KATNBL1: variants seen among roughly 807,000 people sequenced by gnomAD.
KATNBL1 encodes the protein KATNB1-like protein 1.
In KATNBL1, 28 loss-of-function variants were observed where a neutral mutation model predicts 44.7. That is an observed-to-expected ratio of 0.63 (90% CI 0.46 to 0.86). The LOEUF is 0.86. KATNBL1 is among the 40% of genes least tolerant of loss of function. The pLI is 0.00. For synonymous variants in KATNBL1, 78 were observed against 114.9 expected, an observed-to-expected ratio of 0.68 and a Z score of 2.06; for missense variants, 272 against 350.7, an observed-to-expected ratio of 0.78 and a Z score of 1.79.
chr15:34,173,065 A>G (rs1243838967), intron 1 of KATNBL1, among the ~76,000 whole-genome samples: 3 of 152,110 alleles, frequency 2.0e-5, no homozygotes, highest in Admixed American at 6.5e-5. Context: ...AAAAAACTCA[A>G]CAGAAGTTGG....
chr15:34,182,708 G>A (rs1429888616), intron 1 of KATNBL1, among the ~76,000 whole-genome samples: 1 of 152,010 alleles, frequency 6.6e-6, no homozygotes, highest in African/African-American at 2.4e-5. Context: ...ATGACAACCT[G>A]GATAAGTCTC....
At chr15:34,180,601 A>G (rs921265738) in intron 1 of KATNBL1, among the ~76,000 whole-genome samples, 1 of 152,238 alleles carries the variant, frequency 6.6e-6, no homozygotes, top group African/African-American at 2.4e-5. Flanking sequence ...TCGGTCAGCC[A>G]CTGCTAGGTC....
At chr15:34,151,606 C>T (rs945193573) in intron 4 of KATNBL1, among the ~76,000 whole-genome samples, 9 of 151,728 alleles carry the variant, frequency 5.9e-5, no homozygotes, top group Non-Finnish European at 1.5e-5. Flanking sequence ...CGTGCACCAC[C>T]ACGCCTGGGT....
chr15:34,197,378 AT>A, intron 1 of KATNBL1, among the ~76,000 whole-genome samples: 1 of 152,198 alleles, frequency 6.6e-6, no homozygotes, highest in Admixed American at 6.5e-5. Context: ...CTAATCTCCT[AT>A]TTTCAGAATA....
chr15:34,201,938 G>A, intron 1 of KATNBL1, among the ~76,000 whole-genome samples: 1 of 152,144 alleles, frequency 6.6e-6, no homozygotes, highest in East Asian at 1.9e-4. Context: ...CATTTACATT[G>A]TACTAGATAT....
intron 1 of KATNBL1, among the ~76,000 whole-genome samples, chr15:34,181,068 C>A (rs886836326): frequency 8.5e-5 from 13 of 152,152 alleles, no homozygotes; most frequent in Admixed American, 2.0e-4. Flanking sequence ...CTGGTCCTTG[C>A]AAATCATCCT....
At chr15:34,176,378 CAA>C (rs956522721) in intron 1 of KATNBL1, among the ~76,000 whole-genome samples, 1 of 137,788 alleles carries the variant, frequency 7.3e-6, no homozygotes. Context: ...AACTTCATCT[CAA>C]AAAAAAAAAG....
intron 1 of KATNBL1, among the ~76,000 whole-genome samples, chr15:34,191,316 T>C (rs1216834647): frequency 5.3e-5 from 8 of 151,474 alleles, no homozygotes; most frequent in African/African-American, 1.9e-4. Flanking sequence ...TAGGTGGCTA[T>C]ACCACAATTT....
At chr15:34,181,652 GTCCATATATATA>G (rs1468325762) in intron 1 of KATNBL1, among the ~76,000 whole-genome samples, 20 of 48,956 alleles carry the variant, frequency 4.1e-4, no homozygotes, top group African/African-American at 1.3e-3. Flanking sequence ...ACATATATAT[GTCCATATATATA>G]TCCATATATA....
At chr15:34,143,067 TA>T in intron 9 of KATNBL1, 1 of 1,217,296 alleles carries the variant, frequency 8.2e-7, no homozygotes, top group Non-Finnish European at 1.1e-6. Flanking sequence ...TTTAATTTTG[TA>T]AGAAAGTCTC....
chr15:34,153,847 G>A (rs1268147322), intron 3 of KATNBL1, among the ~76,000 whole-genome samples: 2 of 152,178 alleles, frequency 1.3e-5, no homozygotes, highest in African/African-American at 4.8e-5. Context: ...GGGAATACAG[G>A]TGTGAGCCAT....
rs1567532302 is a variant in KATNBL1, at chr15:34,181,805, T to TCC, written c.-14-18116_-14-18115insGG. 4.4e-4 allele frequency among the ~76,000 whole-genome samples: 34 copies of TCC among 77,910 alleles called. 1 individual carries two copies. The highest frequency in any genetic ancestry group is 3.3e-3 in the South Asian group (7 of 2,104). The allele number at this position is 77,910 out of a possible 152,430, so 51.1% of individuals were successfully genotyped here. ...ATGTCCATATATATATCCATATATA[T>TCC]ACATATATACATGTCCATATATATC... On this transcript the variant is annotated intron_variant, in intron 1 of 9. Transcript: ENST00000256544.
At chr15:34,203,482 A>G (rs1337775835) in intron 1 of KATNBL1, among the ~76,000 whole-genome samples, 1 of 152,036 alleles carries the variant, frequency 6.6e-6, no homozygotes, top group Non-Finnish European at 1.5e-5. Context: ...TATTCCTCCC[A>G]CACACTCACC....
In KATNBL1 at chr15:34,149,903, A is replaced by G. The variant is rs1888416920; in HGVS notation, c.439-1153T>C. Among the ~76,000 whole-genome samples, 4 of 152,200 alleles carry G rather than the reference A, an allele frequency of 2.6e-5. No individual in the cohort carries two copies. In the South Asian group the frequency reaches 8.3e-4, roughly 32 times the overall value. On this transcript the variant is annotated intron_variant, in intron 4 of 9. Coordinates refer to ENST00000256544, the MANE Select transcript of KATNBL1 (RefSeq NM_024713.3). ...AAAAACAACAACAAAAAACAATAGC[A>G]TATTCTCTAGTCTTTACATACCATA...
chr15:34,142,406 G>A, intron 9 of KATNBL1, 35 bp from the exon 10 acceptor site: 1 of 1,554,650 alleles, frequency 6.4e-7, no homozygotes. Flanking sequence ...TCATTAGACA[G>A]TACAGTAAAT....
At chr15:34,184,898 T>A (rs1889677564) in intron 1 of KATNBL1, among the ~76,000 whole-genome samples, 1 of 151,626 alleles carries the variant, frequency 6.6e-6, no homozygotes, top group African/African-American at 2.4e-5. Context: ...TAAAACAAAA[T>A]GTTTCTTCTA....
chr15:34,189,234 G>C (rs1025781903), intron 1 of KATNBL1, among the ~76,000 whole-genome samples: 2 of 152,204 alleles, frequency 1.3e-5, no homozygotes, highest in Non-Finnish European at 2.9e-5. Flanking sequence ...ATGCTGGCCA[G>C]GCTGGTCTCG....
At chr15:34,190,188 C>T (rs1281726484) in intron 1 of KATNBL1, among the ~76,000 whole-genome samples, 2 of 152,170 alleles carry the variant, frequency 1.3e-5, no homozygotes, top group Non-Finnish European at 2.9e-5. Flanking sequence ...TCGTGATCCC[C>T]CAGCCTCGGC....
chr15:34,160,927 C>T (rs1436292995), intron 2 of KATNBL1, among the ~76,000 whole-genome samples: 1 of 152,122 alleles, frequency 6.6e-6, no homozygotes, highest in Non-Finnish European at 1.5e-5. Flanking sequence ...GGCTCAACAC[C>T]CCCCTGCTGG....
Sources: gnomAD v4.1 joint callset for allele counts (sites outside exome capture counted in the v4.1 genomes callset) on GRCh38, gnomAD v4.1.1 for gene constraint, MANE v1.5 for transcripts, NCBI Gene and HGNC (gene_info 2026-07-23, HGNC 2026-07-21) for gene names.